The following LSAMP variants were observed in gnomAD, a reference collection of about 807,000 sequenced individuals.
LSAMP encodes the protein limbic system-associated membrane protein.
A neutral mutation model predicts 38.6 loss-of-function variants in LSAMP; 7 were observed. That is an observed-to-expected ratio of 0.18 (90% CI 0.10 to 0.34). The LOEUF is 0.34. LSAMP is among the 10% of genes least tolerant of loss of function. The pLI is 1.00. For missense variants in LSAMP, 313 were observed against 420.0 expected, an observed-to-expected ratio of 0.75 and a Z score of 2.23; for synonymous variants, 154 against 166.8, an observed-to-expected ratio of 0.92 and a Z score of 0.59.
At chr3:115,832,657 A>G (rs1449269493) in intron 6 of LSAMP, among the ~76,000 whole-genome samples, 5 of 152,188 alleles carry the variant, frequency 3.3e-5, no homozygotes, top group Non-Finnish European at 5.9e-5. Context: ...AGAGGGGACT[A>G]TCTTTGTATA....
chr3:116,246,440 A>G (rs1293117123), intron 1 of LSAMP, among the ~76,000 whole-genome samples: 1 of 152,102 alleles, frequency 6.6e-6, no homozygotes, highest in Non-Finnish European at 1.5e-5. Context: ...GCTTAAATAC[A>G]TGTGATTTAA....
rs192335863 is a variant in LSAMP, at chr3:116,107,399, C to T, written c.156-20843G>A. ...CTAAAAGTATTAAAGCAGTGGCAGCCGCTGCACGCAGACATGAGGGCTAGG... is the reference window on the plus strand; with the variant it reads ...CTAAAAGTATTAAAGCAGTGGCAGCTGCTGCACGCAGACATGAGGGCTAGG... On this transcript the variant is annotated intron_variant, in intron 1 of 6. Coordinates refer to ENST00000490035, the MANE Select transcript of LSAMP (RefSeq NM_002338.5). Among the ~76,000 whole-genome samples the T allele has an allele frequency of 6.7e-3, 1,017 of 152,264 alleles. 7 individuals carry two copies. Among genetic ancestry groups the T allele is most frequent in the Non-Finnish European group, 0.011 (717 of 68,016 alleles).
At chr3:116,103,968 A>G (rs1180665488) in intron 1 of LSAMP, among the ~76,000 whole-genome samples, 1 of 152,216 alleles carries the variant, frequency 6.6e-6, no homozygotes, top group East Asian at 1.9e-4. Context: ...GGGTAAGAAA[A>G]TAGGAACTTT....
At chr3:116,363,758 A>C (rs1165468754) in intron 1 of LSAMP, among the ~76,000 whole-genome samples, 22 of 149,188 alleles carry the variant, frequency 1.5e-4, no homozygotes, top group South Asian at 2.2e-4. Context: ...CAAAGACAAA[A>C]ACCACATGAT....
chr3:116,238,203 T>A (rs1320115154), intron 1 of LSAMP, among the ~76,000 whole-genome samples: 1 of 152,134 alleles, frequency 6.6e-6, no homozygotes, highest in Non-Finnish European at 1.5e-5. Flanking sequence ...CACCAGGCCT[T>A]CTGGGGCTTT....
chr3:115,858,111 CCCTCTCCCTCCTT>C (rs1265177933), intron 3 of LSAMP, among the ~76,000 whole-genome samples: 1 of 150,734 alleles, frequency 6.6e-6, no homozygotes, highest in African/African-American at 2.4e-5. Context: ...TTTCTCTCCT[CCCTCTCCCTCCTT>C]CCGTCCTCCC....
In LSAMP at chr3:116,306,315, T is replaced by C. The variant is rs529872172; in HGVS notation, c.155+138562A>G. Reference sequence around the variant, plus strand: ...ATGTTTAGAGTCAGGCAGTGGAGAATATTCCTGTATGCAAAATTCTACAAA... The same window carrying C: ...ATGTTTAGAGTCAGGCAGTGGAGAACATTCCTGTATGCAAAATTCTACAAA... On this transcript the variant is annotated intron_variant, in intron 1 of 6. Coordinates refer to ENST00000490035, the MANE Select transcript of LSAMP (RefSeq NM_002338.5). Among the ~76,000 whole-genome samples, 4 of 152,162 alleles carry C rather than the reference T, an allele frequency of 2.6e-5. No individual in the cohort carries two copies. In the South Asian group the frequency reaches 8.3e-4, roughly 32 times the overall value.
chr3:116,164,621 T>TATAA (rs1709990072), intron 1 of LSAMP, among the ~76,000 whole-genome samples: 1 of 120,480 alleles, frequency 8.3e-6, no homozygotes, highest in African/African-American at 3.2e-5. Context: ...TATATATATA[T>TATAA]AATCCAAATA....
chr3:116,375,359 C>T (rs771036627), intron 1 of LSAMP, among the ~76,000 whole-genome samples: 10 of 151,838 alleles, frequency 6.6e-5, no homozygotes, highest in Admixed American at 2.6e-4. Flanking sequence ...TAAGTATATG[C>T]ATCCATGAAA....
At chr3:115,930,139 T>C (rs1006319353) in intron 3 of LSAMP, among the ~76,000 whole-genome samples, 12 of 150,520 alleles carry the variant, frequency 8.0e-5, no homozygotes, top group Middle Eastern at 3.4e-3. Flanking sequence ...ACCAGCTCCA[T>C]CTGTTTTACA....
intron 6 of LSAMP, among the ~76,000 whole-genome samples, chr3:115,820,730 C>T (rs531936867): frequency 1.3e-5 from 2 of 152,180 alleles, no homozygotes; most frequent in African/African-American, 4.8e-5. Flanking sequence ...TGAAGAAATA[C>T]CTGAATGCAT....
chr3:116,227,201 T>A (rs141653884), intron 1 of LSAMP, among the ~76,000 whole-genome samples: 13 of 152,214 alleles, frequency 8.5e-5, no homozygotes, highest in African/African-American at 2.9e-4. Flanking sequence ...AAACTACACC[T>A]ACATAGCTTC....
At chr3:116,279,562 AGTG>A (rs2047099427) in intron 1 of LSAMP, among the ~76,000 whole-genome samples, 2 of 152,216 alleles carry the variant, frequency 1.3e-5, no homozygotes, top group African/African-American at 2.4e-5. Flanking sequence ...AATATTGAAA[AGTG>A]GTACAAATTT....
At chr3:116,378,691 A>C (rs1040785720) in intron 1 of LSAMP, among the ~76,000 whole-genome samples, 2 of 152,078 alleles carry the variant, frequency 1.3e-5, no homozygotes, top group Admixed American at 6.6e-5. Flanking sequence ...GTGAAGATAC[A>C]AAGTTAAACT....
intron 1 of LSAMP, among the ~76,000 whole-genome samples, chr3:116,250,921 A>G (rs1289509923): frequency 1.3e-5 from 2 of 152,056 alleles, no homozygotes; most frequent in African/African-American, 4.8e-5. Context: ...AAGAAAACGG[A>G]AAGTAAACTC....
intron 1 of LSAMP, among the ~76,000 whole-genome samples, chr3:116,333,088 T>C (rs752362911): frequency 2.0e-5 from 3 of 152,096 alleles, no homozygotes; most frequent in Non-Finnish European, 2.9e-5. Context: ...AGATTGAAGA[T>C]AAGTAAGAAA....
chr3:116,141,000 A>T (rs1709357109), intron 1 of LSAMP, among the ~76,000 whole-genome samples: 1 of 151,928 alleles, frequency 6.6e-6, no homozygotes, highest in South Asian at 2.1e-4. Context: ...TATGAAAATA[A>T]TACCCACCAG....
chr3:116,129,099 C>T (rs1057146664), intron 1 of LSAMP, among the ~76,000 whole-genome samples: 2 of 151,794 alleles, frequency 1.3e-5, no homozygotes, highest in South Asian at 4.2e-4. Flanking sequence ...TTTATGATAC[C>T]CCTTGAAAAA....
At chr3:115,990,889 C>A (rs929860895) in intron 3 of LSAMP, among the ~76,000 whole-genome samples, 2 of 151,894 alleles carry the variant, frequency 1.3e-5, no homozygotes, top group African/African-American at 4.8e-5. Flanking sequence ...TCTTGGATGG[C>A]CCCAGGAAAC....
Sources: gnomAD v4.1 joint callset for allele counts (sites outside exome capture counted in the v4.1 genomes callset) on GRCh38, gnomAD v4.1.1 for gene constraint, MANE v1.5 for transcripts, NCBI Gene and HGNC (gene_info 2026-07-23, HGNC 2026-07-21) for gene names.